PDE3A: variants seen among roughly 807,000 people sequenced by gnomAD.
The protein encoded by PDE3A is phosphodiesterase 3A.
In PDE3A, 43 loss-of-function variants were observed where a neutral mutation model predicts 98.3. The ratio of observed to expected loss-of-function variants is 0.44; its 90% CI spans 0.34 to 0.56. The LOEUF (loss-of-function observed/expected upper bound fraction) is 0.56, where lower values mean the gene tolerates loss of function less well. Among genes scored for constraint, PDE3A ranks in the 20% least tolerant of loss-of-function variants. The pLI is 0.01. For missense variants in PDE3A, 1,427 were observed against 1,440.7 expected, an observed-to-expected ratio of 0.99 and a Z score of 0.15; for synonymous variants, 663 against 567.9, an observed-to-expected ratio of 1.17 and a Z score of -2.38.
At chr12:20,538,848 A>G (rs1158800054) in intron 1 of PDE3A, among the ~76,000 whole-genome samples, 1 of 151,758 alleles carries the variant, frequency 6.6e-6, no homozygotes, top group Non-Finnish European at 1.5e-5. Flanking sequence ...ATCCCACTAC[A>G]TTGTCCGGGC....
chr12:20,612,387 C>T (rs1361609311), intron 2 of PDE3A, among the ~76,000 whole-genome samples: 3 of 151,348 alleles, frequency 2.0e-5, no homozygotes, highest in Admixed American at 6.6e-5. Context: ...CATTTTCTCA[C>T]AGACCATTTC....
chr12:20,608,859 CTT>C (rs1943778138), intron 2 of PDE3A, among the ~76,000 whole-genome samples: 1 of 151,878 alleles, frequency 6.6e-6, no homozygotes, highest in Non-Finnish European at 1.5e-5. Flanking sequence ...AGAGAATAAA[CTT>C]AATTTCATTG....
At chr12:20,671,981 T>G (rs1277713077) in intron 15 of PDE3A, among the ~76,000 whole-genome samples, 4 of 148,874 alleles carry the variant, frequency 2.7e-5, no homozygotes, top group East Asian at 2.0e-4. Flanking sequence ...CTCCTTAAGC[T>G]GATAAGCAAC....
intron 1 of PDE3A, among the ~76,000 whole-genome samples, chr12:20,395,995 A>C (rs552285164): frequency 1.4e-4 from 21 of 152,156 alleles, no homozygotes; most frequent in African/African-American, 4.1e-4. Flanking sequence ...ACTTACGCTC[A>C]AGTGACCCTC....
At chr12:20,623,285 G>A (rs1042627889) in intron 5 of PDE3A, among the ~76,000 whole-genome samples, 6 of 134,870 alleles carry the variant, frequency 4.4e-5, no homozygotes, top group Admixed American at 3.1e-4. Flanking sequence ...GCAGATAGAA[G>A]ACAAAAAATA....
At chr12:20,506,131 T>G (rs930059590) in intron 1 of PDE3A, among the ~76,000 whole-genome samples, 5 of 150,304 alleles carry the variant, frequency 3.3e-5, no homozygotes, top group African/African-American at 1.2e-4. Flanking sequence ...TGTGTGTGTA[T>G]GTGTGTGTAG....
chr12:20,642,058 A>G (rs1022372148), intron 10 of PDE3A, among the ~76,000 whole-genome samples: 2 of 152,088 alleles, frequency 1.3e-5, no homozygotes, highest in Admixed American at 1.3e-4. Context: ...TACTTGTTTT[A>G]ATATTTATTT....
At chr12:20,477,727 C>A (rs1207211350) in intron 1 of PDE3A, among the ~76,000 whole-genome samples, 1 of 152,146 alleles carries the variant, frequency 6.6e-6, no homozygotes, top group Non-Finnish European at 1.5e-5. Context: ...AGAAAGATTT[C>A]TTTTTCTCTG....
chr12:20,664,771 T>C (rs1360521879), intron 15 of PDE3A, among the ~76,000 whole-genome samples: 1 of 152,064 alleles, frequency 6.6e-6, no homozygotes, highest in Non-Finnish European at 1.5e-5. Flanking sequence ...AACTCTTGAG[T>C]CCATTAAACC....
chr12:20,371,420 C>G, intron 1 of PDE3A: 1 of 982,298 alleles, frequency 1.0e-6, no homozygotes, highest in Non-Finnish European at 1.2e-6. Context: ...AAATTAATGC[C>G]TACCTGTGGT....
intron 1 of PDE3A, among the ~76,000 whole-genome samples, chr12:20,468,961 T>C (rs1348479594): frequency 6.6e-6 from 1 of 152,238 alleles, no homozygotes; most frequent in East Asian, 1.9e-4. Flanking sequence ...GTATCATTAA[T>C]GTGGTCTAAT....
At chr12:20,538,505 G>T (rs1458135078) in intron 1 of PDE3A, among the ~76,000 whole-genome samples, 1 of 152,120 alleles carries the variant, frequency 6.6e-6, no homozygotes, top group Non-Finnish European at 1.5e-5. Flanking sequence ...AGGGAGTTAA[G>T]GTTGGGGGAA....
chr12:20,370,174 C>G lies in PDE3A; in HGVS notation c.890C>G (p.Ser297Cys), dbSNP rs146435788. 10 of 1,611,834 alleles carry G rather than the reference C, an allele frequency of 6.2e-6. No individual in the cohort carries two copies. Among genetic ancestry groups the G allele is most frequent in the Middle Eastern group, 1.6e-4 (1 of 6,064 alleles). Reference protein sequence around the residue: ...KRRRRSSSVVSAEMSGCSSKS... With the variant: ...KRRRRSSSVVCAEMSGCSSKS... ...AGGAGGCGGTCCAGCTCCGTCGTGT[C>G]CGCCGAGATGTCCGGCTGCAGCAGC... The change falls in exon 1 of 16, where the codon TCC (serine) becomes TGC (cysteine). Residue 297 changes from serine to cysteine, a missense_variant. This residue lies in a region of PDE3A where 1,012 missense variants were observed against 886.5 expected (regional missense o/e 1.14). Coordinates refer to ENST00000359062, the MANE Select transcript of PDE3A (RefSeq NM_000921.5).
At chr12:20,531,604 A>G (rs982378773) in intron 1 of PDE3A, among the ~76,000 whole-genome samples, 1 of 152,096 alleles carries the variant, frequency 6.6e-6, no homozygotes, top group African/African-American at 2.4e-5. Context: ...AAGCCCAGAG[A>G]GGTGACATGA....
rs1357026126 is a variant in PDE3A, at chr12:20,687,687, T to C, written c.*7416T>C. On this transcript the variant is annotated 3_prime_UTR_variant, in exon 16 of 16. Transcript: ENST00000359062. Reference sequence around the variant, plus strand: ...TATCATGCAAATCACAAAATGAAAATTGGTGCTTTTACAAATATTTGAAAG... The same window carrying C: ...TATCATGCAAATCACAAAATGAAAACTGGTGCTTTTACAAATATTTGAAAG... Among the ~76,000 whole-genome samples, 2 of 151,820 alleles carry C rather than the reference T, an allele frequency of 1.3e-5. No homozygotes were observed. Among genetic ancestry groups the C allele is most frequent in the Non-Finnish European group, 2.9e-5 (2 of 67,898 alleles).
At chr12:20,562,114 A>G (rs1253748039) in intron 2 of PDE3A, among the ~76,000 whole-genome samples, 1 of 152,208 alleles carries the variant, frequency 6.6e-6, no homozygotes, top group Non-Finnish European at 1.5e-5. Context: ...TCAGGGGATG[A>G]AATTCTCAGA....
chr12:20,377,045 C>T (rs1261124767), intron 1 of PDE3A, among the ~76,000 whole-genome samples: 1 of 151,370 alleles, frequency 6.6e-6, no homozygotes, highest in Non-Finnish European at 1.5e-5. Flanking sequence ...TTACAGGGGG[C>T]ACATATTGTT....
At chr12:20,568,432 T>G (rs1942714299) in intron 2 of PDE3A, among the ~76,000 whole-genome samples, 1 of 152,030 alleles carries the variant, frequency 6.6e-6, no homozygotes. Context: ...TTCGTCATTT[T>G]ATGCACTGGT....
intron 1 of PDE3A, among the ~76,000 whole-genome samples, chr12:20,503,996 G>A (rs1946069629): frequency 6.6e-6 from 1 of 151,872 alleles, no homozygotes; most frequent in African/African-American, 2.4e-5. Context: ...CTAAATTTAG[G>A]GATTGTTCAT....
Sources: allele counts gnomAD v4.1 joint callset (sites outside exome capture counted in the v4.1 genomes callset), GRCh38; gene constraint gnomAD v4.1.1; regional missense constraint gnomAD v4.1.1; transcripts MANE v1.5; gene names NCBI Gene and HGNC (gene_info 2026-07-23, HGNC 2026-07-21).